Variants in KCNQ5 observed in about 807,000 individuals in gnomAD.
The protein encoded by KCNQ5 is potassium voltage-gated channel subfamily Q member 5.
Under a neutral mutation model 98.2 loss-of-function variants are expected in KCNQ5, and 30 were observed. The ratio of observed to expected loss-of-function variants is 0.31; its 90% CI spans 0.23 to 0.41. KCNQ5 has a LOEUF of 0.41. KCNQ5 is among the 10% of genes least tolerant of loss of function. The pLI is 1.00. For synonymous variants in KCNQ5, 458 were observed against 449.4 expected, an observed-to-expected ratio of 1.02 and a Z score of -0.24; for missense variants, 835 against 1,182.5, an observed-to-expected ratio of 0.71 and a Z score of 4.31.
At chr6:72,845,278 CT>C (rs1355600588) in intron 1 of KCNQ5, among the ~76,000 whole-genome samples, 5 of 152,128 alleles carry the variant, frequency 3.3e-5, no homozygotes, top group African/African-American at 1.2e-4. Flanking sequence ...CCTCCAGAGT[CT>C]TGTCCTAATG....
At chr6:72,864,200 G>GCATGCATGCCAGC (rs1426270021) in intron 1 of KCNQ5, among the ~76,000 whole-genome samples, 1 of 152,078 alleles carries the variant, frequency 6.6e-6, no homozygotes, top group Admixed American at 6.5e-5. Context: ...CTGAAATGCA[G>GCATGCATGCCAGC]CATGCATGCC....
chr6:72,754,888 G>A (rs1771883748), intron 1 of KCNQ5, among the ~76,000 whole-genome samples: 2 of 151,920 alleles, frequency 1.3e-5, no homozygotes, highest in Non-Finnish European at 2.9e-5. Context: ...TAGATTACTG[G>A]AAGAAAAGTG....
intron 5 of KCNQ5, among the ~76,000 whole-genome samples, chr6:73,098,813 A>C (rs111780987): frequency 6.6e-6 from 1 of 152,182 alleles, no homozygotes. Flanking sequence ...ATCTAAGGGT[A>C]GAAAACTCAC....
At chr6:72,840,897 G>A (rs1776759648) in intron 1 of KCNQ5, among the ~76,000 whole-genome samples, 1 of 152,158 alleles carries the variant, frequency 6.6e-6, no homozygotes, top group Non-Finnish European at 1.5e-5. Flanking sequence ...GCTTATGGAT[G>A]GTTGTTTTAC....
chr6:73,182,578 A>G (rs994720161), intron 11 of KCNQ5, among the ~76,000 whole-genome samples: 3 of 152,104 alleles, frequency 2.0e-5, no homozygotes, highest in Non-Finnish European at 1.5e-5. Context: ...CAAGTCTTAG[A>G]AAAAAAATTG....
chr6:72,990,707 G>T (rs1248493322), intron 1 of KCNQ5, among the ~76,000 whole-genome samples: 1 of 82,600 alleles, frequency 1.2e-5, no homozygotes, highest in African/African-American at 5.0e-5. Flanking sequence ...GAATAGGAGC[G>T]GTGAGAGAGG....
At chr6:73,193,962 T>TA (rs1260826118) in intron 13 of KCNQ5, among the ~76,000 whole-genome samples, 2 of 150,658 alleles carry the variant, frequency 1.3e-5, no homozygotes, top group Non-Finnish European at 3.0e-5. Flanking sequence ...TCAGCCTTCC[T>TA]AGCAGCTGGG....
At chr6:72,756,443 T>C (rs1455876070) in intron 1 of KCNQ5, among the ~76,000 whole-genome samples, 2 of 152,178 alleles carry the variant, frequency 1.3e-5, no homozygotes, top group Non-Finnish European at 2.9e-5. Flanking sequence ...CTATTTTACA[T>C]ACATTTTAAA....
chr6:73,175,103 A>C (rs899572199), intron 11 of KCNQ5, among the ~76,000 whole-genome samples: 9 of 151,864 alleles, frequency 5.9e-5, no homozygotes, highest in Non-Finnish European at 1.2e-4. Context: ...TTTCCCCTTG[A>C]AGTTACCTTC....
intron 1 of KCNQ5, among the ~76,000 whole-genome samples, chr6:72,833,848 C>A (rs12663608): frequency 0.24 from 35,977 of 151,818 alleles, 4,716 homozygotes; most frequent in African/African-American, 0.33. Context: ...GATGGAATAA[C>A]TATACAACAG....
At chr6:72,982,487 C>CTTTT (rs141947372) in intron 1 of KCNQ5, among the ~76,000 whole-genome samples, 612 of 60,260 alleles carry the variant, frequency 0.01, 27 homozygotes, top group African/African-American at 0.04. Flanking sequence ...GCAACCCCTG[C>CTTTT]TTTTTTTTTT....
intron 2 of KCNQ5, among the ~76,000 whole-genome samples, chr6:73,013,127 C>T (rs78246542): frequency 0.055 from 8,403 of 151,964 alleles, 323 homozygotes; most frequent in Middle Eastern, 0.13. Context: ...GTTTTCTCAC[C>T]GCAATCACTG....
At chr6:72,765,883 G>A (rs1207361683) in intron 1 of KCNQ5, among the ~76,000 whole-genome samples, 1 of 151,984 alleles carries the variant, frequency 6.6e-6, no homozygotes, top group Non-Finnish European at 1.5e-5. Context: ...GAGACCTAGT[G>A]GCTTCAACTA....
chr6:73,101,781 C>T (rs551799645), intron 5 of KCNQ5, among the ~76,000 whole-genome samples: 1 of 152,210 alleles, frequency 6.6e-6, no homozygotes, highest in Admixed American at 6.5e-5. Context: ...ATTTCATGTT[C>T]ATGGATTAGA....
chr6:72,815,230 C>A (rs9351946), intron 1 of KCNQ5, among the ~76,000 whole-genome samples: 2 of 151,962 alleles, frequency 1.3e-5, no homozygotes, highest in Admixed American at 1.3e-4. Context: ...ACCTAACACA[C>A]GCCTGGCACA....
intron 11 of KCNQ5, among the ~76,000 whole-genome samples, chr6:73,173,716 G>A (rs967589476): frequency 2.6e-5 from 4 of 151,860 alleles, no homozygotes; most frequent in African/African-American, 9.7e-5. Flanking sequence ...TTGGGAGGCT[G>A]AGTTGGGCAG....
At chr6:73,193,392 C>G (rs1765669227) in intron 13 of KCNQ5, among the ~76,000 whole-genome samples, 1 of 150,466 alleles carries the variant, frequency 6.6e-6, no homozygotes, top group South Asian at 2.1e-4. Flanking sequence ...CTTTTGGAGG[C>G]CGAGGCGGGC....
intron 11 of KCNQ5, 150 bp from the exon 12 acceptor site, chr6:73,190,423 G>C (rs748934571): frequency 1.8e-4 from 67 of 370,256 alleles, no homozygotes; most frequent in Non-Finnish European, 3.4e-5. Context: ...TGTAATCTCA[G>C]GCTTTTATAT....
chr6:72,970,371 T>G (rs550414025), intron 1 of KCNQ5, among the ~76,000 whole-genome samples: 1 of 152,340 alleles, frequency 6.6e-6, no homozygotes, highest in East Asian at 1.9e-4. Context: ...ATTAAGTATC[T>G]AAACCTTGAT....
Sources: allele counts gnomAD v4.1 joint callset (sites outside exome capture counted in the v4.1 genomes callset), GRCh38; gene constraint gnomAD v4.1.1; transcripts MANE v1.5; gene names NCBI Gene and HGNC (gene_info 2026-07-23, HGNC 2026-07-21).